PDE1C: variants seen among roughly 807,000 people sequenced by gnomAD.
PDE1C encodes the protein phosphodiesterase 1C.
A neutral mutation model predicts 93.1 loss-of-function variants in PDE1C; 62 were observed. That is an observed-to-expected ratio of 0.67 (90% CI 0.54 to 0.82). PDE1C has a LOEUF of 0.82. Ranked by LOEUF, PDE1C falls within the 40% of genes least tolerant of loss-of-function variation. PDE1C has a pLI of 0.00. For synonymous variants in PDE1C, 325 were observed against 310.1 expected (o/e 1.05, Z -0.50); for missense variants, 742 against 884.6 (o/e 0.84, Z 2.04).
chr7:32,264,579 T>C (rs1021137279), intron 1 of PDE1C, among the ~76,000 whole-genome samples: 1 of 152,212 alleles, frequency 6.6e-6, no homozygotes, highest in Non-Finnish European at 1.5e-5. Context: ...GAGTGTCCAC[T>C]GGGATGGGAG....
intron 1 of PDE1C, among the ~76,000 whole-genome samples, chr7:32,227,708 CA>C: frequency 6.6e-6 from 1 of 152,290 alleles, no homozygotes; most frequent in African/African-American, 2.4e-5. Flanking sequence ...ATGTCACCAA[CA>C]AAATACTGTA....
chr7:32,088,719 T>G (rs1797280171), intron 3 of PDE1C, among the ~76,000 whole-genome samples: 1 of 90,116 alleles, frequency 1.1e-5, no homozygotes. Context: ...CACTCGCCTG[T>G]CTTTAGTGAC....
At chr7:32,153,198 G>T (rs532142134) in intron 3 of PDE1C, among the ~76,000 whole-genome samples, 4 of 152,156 alleles carry the variant, frequency 2.6e-5, no homozygotes, top group African/African-American at 9.6e-5. Context: ...CTGTTGAATT[G>T]GCTTTTGGAA....
intron 1 of PDE1C, among the ~76,000 whole-genome samples, chr7:32,293,849 G>C (rs995745511): frequency 1.3e-5 from 2 of 152,130 alleles, no homozygotes; most frequent in Non-Finnish European, 2.9e-5. Flanking sequence ...AGGTGTAAAA[G>C]CTCCAAAGTT....
chr7:32,282,583 CTTTT>C (rs367633822), intron 1 of PDE1C, among the ~76,000 whole-genome samples: 2 of 123,712 alleles, frequency 1.6e-5, no homozygotes, highest in Admixed American at 8.9e-5. Context: ...TTTATGTCTT[CTTTT>C]TTTTTTTTTT....
At chr7:31,978,549 G>C (rs996810247) in intron 2 of PDE1C, among the ~76,000 whole-genome samples, 1 of 152,208 alleles carries the variant, frequency 6.6e-6, no homozygotes, top group Admixed American at 6.5e-5. Context: ...ATCAGACAGA[G>C]TAAGAAGCCT....
chr7:32,108,769 A>G (rs542200522), intron 3 of PDE1C, among the ~76,000 whole-genome samples: 1 of 152,238 alleles, frequency 6.6e-6, no homozygotes, highest in Non-Finnish European at 1.5e-5. Flanking sequence ...ATTGCCAGAT[A>G]TAAGCCCAAG....
At chr7:31,966,236 T>A (rs1456916823) in intron 2 of PDE1C, among the ~76,000 whole-genome samples, 1 of 152,004 alleles carries the variant, frequency 6.6e-6, no homozygotes, top group Non-Finnish European at 1.5e-5. Flanking sequence ...GAGACACACA[T>A]AGGCTCAAAA....
At chr7:31,983,865 G>T (rs577485313) in intron 2 of PDE1C, among the ~76,000 whole-genome samples, 6 of 152,182 alleles carry the variant, frequency 3.9e-5, no homozygotes, top group African/African-American at 7.2e-5. Context: ...CAGATCACAT[G>T]CAGGGGCTCT....
intron 3 of PDE1C, among the ~76,000 whole-genome samples, chr7:32,083,652 C>G (rs774006769): frequency 1.3e-5 from 2 of 152,212 alleles, no homozygotes; most frequent in Non-Finnish European, 1.5e-5. Flanking sequence ...CAGCAGATCT[C>G]TCTGCAGAAT....
chr7:31,851,221 T>C (rs1793304427), intron 7 of PDE1C, among the ~76,000 whole-genome samples: 1 of 152,322 alleles, frequency 6.6e-6, no homozygotes, highest in African/African-American at 2.4e-5. Flanking sequence ...ATACTGGCTT[T>C]CTGCTCTATG....
At chr7:31,974,077 G>A (rs1211262436) in intron 2 of PDE1C, among the ~76,000 whole-genome samples, 1 of 152,030 alleles carries the variant, frequency 6.6e-6, no homozygotes, top group African/African-American at 2.4e-5. Flanking sequence ...ACTTGGTGTG[G>A]GCAATGTTTT....
chr7:31,806,133 A>T (rs1033767073), intron 16 of PDE1C, among the ~76,000 whole-genome samples: 1 of 151,950 alleles, frequency 6.6e-6, no homozygotes, highest in African/African-American at 2.4e-5. Flanking sequence ...TCAATAAAGG[A>T]GAAACTCCTG....
At chr7:31,750,461 C>T (rs951428516), downstream of PDE1C, among the ~76,000 whole-genome samples, 14 of 152,096 alleles carry the variant, frequency 9.2e-5, no homozygotes, top group African/African-American at 3.4e-4. Flanking sequence ...GGGACATTAC[C>T]CTTGAACTCA....
At chr7:32,279,861 TC>T (rs1175765174) in intron 1 of PDE1C, among the ~76,000 whole-genome samples, 3 of 152,128 alleles carry the variant, frequency 2.0e-5, no homozygotes, top group African/African-American at 7.2e-5. Flanking sequence ...AATTTCTTGG[TC>T]TGATGAAAAG....
At chr7:32,377,391 C>T (rs192579229) in intron 1 of PDE1C, among the ~76,000 whole-genome samples, 41 of 152,332 alleles carry the variant, frequency 2.7e-4, no homozygotes, top group Non-Finnish European at 5.4e-4. Context: ...CTGTAACACT[C>T]GTCTTAGATT....
At chr7:32,064,322 G>C (rs1158804755) in intron 1 of PDE1C, among the ~76,000 whole-genome samples, 1 of 152,048 alleles carries the variant, frequency 6.6e-6, no homozygotes, top group Non-Finnish European at 1.5e-5. Flanking sequence ...CTTTATCCTA[G>C]CCTGCTCTTA....
chr7:31,737,535 C>G, the PDE1C span, among the ~76,000 whole-genome samples: 1 of 152,212 alleles, frequency 6.6e-6, no homozygotes, highest in Admixed American at 6.5e-5. Context: ...GGTGCAGTGG[C>G]TCATGCCTGT....
At chr7:31,706,066 G>A in the PDE1C span, among the ~76,000 whole-genome samples, 2 of 131,538 alleles carry the variant, frequency 1.5e-5, no homozygotes, top group Non-Finnish European at 3.1e-5. Context: ...GTGCAGTGGT[G>A]TAATCTCGGC....
Sources: allele counts gnomAD v4.1 joint callset (sites outside exome capture counted in the v4.1 genomes callset), GRCh38; gene constraint gnomAD v4.1.1; transcripts MANE v1.5; gene names NCBI Gene and HGNC (gene_info 2026-07-23, HGNC 2026-07-21).